CDK6: variants seen among roughly 807,000 people sequenced by gnomAD.
CDK6 encodes cyclin dependent kinase 6.
In CDK6, 6 loss-of-function variants were observed where a neutral mutation model predicts 37.1. That is an observed-to-expected ratio of 0.16 (90% CI 0.09 to 0.32). The LOEUF (loss-of-function observed/expected upper bound fraction) is 0.32, where lower values mean the gene tolerates loss of function less well. Among genes scored for constraint, CDK6 ranks in the 10% least tolerant of loss-of-function variants. CDK6 has a pLI of 1.00. For missense variants in CDK6, 224 were observed against 418.9 expected (o/e 0.53, Z 4.06); for synonymous variants, 160 against 161.3 (o/e 0.99, Z 0.06).
At chr7:92,685,219 C>T (rs778105448) in intron 4 of CDK6, among the ~76,000 whole-genome samples, 4 of 152,162 alleles carry the variant, frequency 2.6e-5, no homozygotes, top group Non-Finnish European at 5.9e-5. Flanking sequence ...TTAAAATTGT[C>T]TCAGTTTCTA....
intron 3 of CDK6, among the ~76,000 whole-genome samples, chr7:92,752,555 T>A (rs905627874): frequency 2.0e-5 from 3 of 152,178 alleles, no homozygotes; most frequent in Non-Finnish European, 4.4e-5. Context: ...TTTTAATGCA[T>A]GTTAGGAAAG....
At chr7:92,715,700 G>A (rs760813057) in intron 4 of CDK6, among the ~76,000 whole-genome samples, 4 of 152,056 alleles carry the variant, frequency 2.6e-5, no homozygotes, top group Admixed American at 1.3e-4. Flanking sequence ...CAGAAAATCC[G>A]GCACTACAAA....
Position 92,607,983 on chromosome 7 carries a change from T to A in CDK6, c.*7157A>T, listed in dbSNP as rs1342274081. 4.3e-6 allele frequency: 1 copy of A among 233,364 alleles called. No homozygotes were observed. Among genetic ancestry groups the A allele is most frequent in the African/African-American group, 2.2e-5 (1 of 45,344 alleles). 14.5% of individuals were successfully genotyped at this position (233,364 alleles called of 1,614,324 possible). On this transcript the variant is annotated 3_prime_UTR_variant, in exon 8 of 8. Transcript: ENST00000424848. ...AGATCAAACTGAGAGTTGTTGGTGA[T>A]CACAGAAATATTGCTAGCTGATACA... is the stretch of plus-strand genomic sequence containing the variant.
At chr7:92,785,529 T>C (rs1800107610) in intron 2 of CDK6, among the ~76,000 whole-genome samples, 1 of 152,206 alleles carries the variant, frequency 6.6e-6, no homozygotes, top group Non-Finnish European at 1.5e-5. Context: ...GTGCATTTTA[T>C]GGTATGTAAA....
At chr7:92,710,119 G>A (rs888230105) in intron 4 of CDK6, among the ~76,000 whole-genome samples, 5 of 152,124 alleles carry the variant, frequency 3.3e-5, no homozygotes, top group African/African-American at 9.7e-5. Flanking sequence ...CTGTACATTC[G>A]TTGTTCACCC....
chr7:92,803,461 AAGG>A (rs1800641987), intron 2 of CDK6, among the ~76,000 whole-genome samples: 1 of 152,228 alleles, frequency 6.6e-6, no homozygotes. Context: ...CATAGGTAAC[AAGG>A]AGAAGAGCAA....
chr7:92,768,678 G>A (rs1316500625), intron 3 of CDK6, among the ~76,000 whole-genome samples: 1 of 152,034 alleles, frequency 6.6e-6, no homozygotes, highest in Non-Finnish European at 1.5e-5. Context: ...CCTTGTTTTT[G>A]GGATCACCTT....
chr7:92,812,936 C>A (rs959646348), intron 2 of CDK6, among the ~76,000 whole-genome samples: 2 of 152,044 alleles, frequency 1.3e-5, no homozygotes, highest in African/African-American at 4.8e-5. Context: ...GTGATCAGAC[C>A]CTCTTCTATG....
At chr7:92,619,626 GCA>G (rs376730671) in intron 6 of CDK6, among the ~76,000 whole-genome samples, 6 of 151,718 alleles carry the variant, frequency 4.0e-5, no homozygotes, top group African/African-American at 1.5e-4. Flanking sequence ...AAGATCTGTA[GCA>G]CTTCATTTCC....
At chr7:92,785,736 T>C (rs1800113874) in intron 2 of CDK6, among the ~76,000 whole-genome samples, 1 of 152,180 alleles carries the variant, frequency 6.6e-6, no homozygotes, top group South Asian at 2.1e-4. Flanking sequence ...GGAGCTGCAG[T>C]GAAGCAGAGG....
In CDK6 at chr7:92,672,160, TACAC is replaced by T. The variant is rs1554401677; in HGVS notation, c.538-629_538-626del. ...ATATATATATATATATATATATATA[TACAC>T]ATACACACACACACACACAGACACA... On this transcript the variant is annotated intron_variant, in intron 4 of 7. Coordinates refer to ENST00000424848, the MANE Select transcript of CDK6 (RefSeq NM_001145306.2). Among the ~76,000 whole-genome samples the T allele has an allele frequency of 8.8e-3, 695 of 78,804 alleles. 5 individuals carry two copies. Among genetic ancestry groups the T allele is most frequent in the Middle Eastern group, 0.023 (3 of 130 alleles). 51.7% of individuals were successfully genotyped at this position (78,804 alleles called of 152,430 possible).
chr7:92,623,220 T>C, intron 5 of CDK6, 134 bp from the exon 6 acceptor site: 1 of 640,212 alleles, frequency 1.6e-6, no homozygotes, highest in Non-Finnish European at 2.8e-6. Flanking sequence ...AATTGAGACA[T>C]TTTTCCTTTG....
chr7:92,809,910 G>A (rs975276502), intron 2 of CDK6, among the ~76,000 whole-genome samples: 1 of 152,124 alleles, frequency 6.6e-6, no homozygotes, highest in South Asian at 2.1e-4. Context: ...CAACATCCTC[G>A]TCAGCACTTC....
intron 3 of CDK6, among the ~76,000 whole-genome samples, chr7:92,736,232 A>T (rs1798784434): frequency 6.6e-6 from 1 of 152,130 alleles, no homozygotes; most frequent in African/African-American, 2.4e-5. Context: ...ATGACATAGG[A>T]TATTATGCTT....
chr7:92,750,920 G>A (rs973508377), intron 3 of CDK6, among the ~76,000 whole-genome samples: 4 of 152,070 alleles, frequency 2.6e-5, no homozygotes, highest in African/African-American at 9.7e-5. Context: ...TCATTCCTAG[G>A]TTTTGAGGCA....
At chr7:92,629,622 T>C (rs561507050) in intron 5 of CDK6, among the ~76,000 whole-genome samples, 18 of 152,258 alleles carry the variant, frequency 1.2e-4, no homozygotes, top group African/African-American at 4.1e-4. Context: ...CTAATCACTA[T>C]GACAAAAATT....
intron 2 of CDK6, among the ~76,000 whole-genome samples, chr7:92,813,800 C>G (rs909012397): frequency 2.0e-5 from 3 of 152,076 alleles, no homozygotes; most frequent in African/African-American, 7.2e-5. Flanking sequence ...AACGGCTAAG[C>G]AGCAATAGAT....
At chr7:92,727,968 T>C (rs1434450626) in intron 3 of CDK6, among the ~76,000 whole-genome samples, 1 of 152,210 alleles carries the variant, frequency 6.6e-6, no homozygotes, top group Non-Finnish European at 1.5e-5. Context: ...TAATGTCCTG[T>C]TGGCTCATCA....
intron 3 of CDK6, among the ~76,000 whole-genome samples, chr7:92,728,293 T>G (rs1798560062): frequency 6.6e-6 from 1 of 152,210 alleles, no homozygotes; most frequent in South Asian, 2.1e-4. Context: ...TATAACTTTT[T>G]TTGTGTCTTT....
Sources: gnomAD v4.1 joint callset for allele counts (sites outside exome capture counted in the v4.1 genomes callset) on GRCh38, gnomAD v4.1.1 for gene constraint, MANE v1.5 for transcripts, NCBI Gene and HGNC (gene_info 2026-07-23, HGNC 2026-07-21) for gene names.